The following GRIP2 variants were observed in gnomAD, a reference collection of about 807,000 sequenced individuals.
The protein encoded by GRIP2 is glutamate receptor-interacting protein 2.
In GRIP2, 58 loss-of-function variants were observed where a neutral mutation model predicts 108.3. That is an observed-to-expected ratio of 0.54 (90% CI 0.43 to 0.67). The LOEUF (loss-of-function observed/expected upper bound fraction) is 0.67, where lower values mean the gene tolerates loss of function less well. Among genes scored for constraint, GRIP2 ranks in the 30% least tolerant of loss-of-function variants. The pLI is 0.00. For missense variants in GRIP2, 1,278 were observed against 1,430.6 expected, an observed-to-expected ratio of 0.89 and a Z score of 1.72; for synonymous variants, 586 against 598.2, an observed-to-expected ratio of 0.98 and a Z score of 0.30.
At chr3:14,586,204 A>AC in the GRIP2 span, among the ~76,000 whole-genome samples, 1 of 151,908 alleles carries the variant, frequency 6.6e-6, no homozygotes, top group East Asian at 1.9e-4. Context: ...CTCCCTGACT[A>AC]CCCCATCAAC....
At chr3:14,534,436 T>C (rs544391711) in intron 1 of GRIP2, among the ~76,000 whole-genome samples, 7 of 152,344 alleles carry the variant, frequency 4.6e-5, no homozygotes, top group African/African-American at 1.7e-4. Flanking sequence ...CTGGTAATTA[T>C]ATGCTTAGAG....
chr3:14,512,805 G>A lies in GRIP2; in HGVS notation c.1692C>T (p.Arg564=), dbSNP rs200822846. 940 of 1,613,708 alleles carry A rather than the reference G, an allele frequency of 5.8e-4. 2 individuals carry two copies. The highest frequency in any genetic ancestry group is 7.3e-4 in the Admixed American group (44 of 60,030). Reference sequence around the variant, plus strand: ...TGATGGTGATGCCCAGCTCCACGCTGCGCTTCTTGGGCAGCTTCACGTGGA... The same window carrying A: ...TGATGGTGATGCCCAGCTCCACGCTACGCTTCTTGGGCAGCTTCACGTGGA... The part of the protein sequence containing the change: ...GTFHVKLPKK[R]SVELGITISS... The change falls in exon 14 of 24, where the codon CGC becomes CGT. Residue 564 remains arginine (R), a synonymous_variant. Transcript: ENST00000621039. The surrounding 1 kb of genome is among the most constrained non-coding windows in gnomAD (Gnocchi z 5.1).
chr3:14,496,588 A>G (rs762085188), intron 21 of GRIP2, 28 bp from the exon 22 acceptor site: 3 of 1,582,994 alleles, frequency 1.9e-6, no homozygotes, highest in Non-Finnish European at 1.7e-6. Context: ...TTTCTTTCAG[A>G]TGCTTGTTGG....
At position 14,554,062 on chromosome 3, in the gene GRIP2, G is replaced by C. The variant is rs60949694; in HGVS notation, c.55+1838C>G. On this transcript the variant is annotated intron_variant, in intron 1 of 23. Coordinates refer to the GRIP2 transcript ENST00000637182. ...CATGGGGAGAGGAAGGAAGTGGTTG[G>C]GTCACTAAGGGGAAGATGGAATTAA... 7.0e-3 allele frequency among the ~76,000 whole-genome samples: 1,062 copies of C among 152,218 alleles called. 17 individuals are homozygous for C. The highest frequency in any genetic ancestry group is 0.023 in the African/African-American group (971 of 41,542).
At chr3:14,581,324 G>A in the GRIP2 span, among the ~76,000 whole-genome samples, 2 of 152,298 alleles carry the variant, frequency 1.3e-5, no homozygotes, top group South Asian at 4.1e-4. Flanking sequence ...GCTCTGGGGA[G>A]ACCCCCTCCC....
intron 21 of GRIP2, among the ~76,000 whole-genome samples, chr3:14,501,035 C>A (rs1693751581): frequency 6.6e-6 from 1 of 152,108 alleles, no homozygotes; most frequent in Non-Finnish European, 1.5e-5. Context: ...AGTGATCTAT[C>A]CTAATAATTA....
the GRIP2 span, among the ~76,000 whole-genome samples, chr3:14,595,733 C>T: frequency 1.3e-5 from 2 of 152,246 alleles, no homozygotes; most frequent in African/African-American, 4.8e-5. Flanking sequence ...CCTGGCTCCG[C>T]AGGTTGCCCC....
chr3:14,578,718 G>GA, the GRIP2 span, among the ~76,000 whole-genome samples: 3,729 of 129,806 alleles, frequency 0.029, 161 homozygotes, highest in African/African-American at 0.09. Context: ...CTCCATCTCA[G>GA]AAAAAAAAAA....
At chr3:14,556,667 A>G (rs546976424), upstream of GRIP2, among the ~76,000 whole-genome samples, 21 of 152,350 alleles carry the variant, frequency 1.4e-4, no homozygotes, top group African/African-American at 5.1e-4. Context: ...GGGGATACCC[A>G]GAGAAGCTGC....
At chr3:14,525,970 C>T (rs1212121635) in intron 1 of GRIP2, 39 bp from the exon 2 acceptor site, 17 of 1,526,158 alleles carry the variant, frequency 1.1e-5, no homozygotes, top group South Asian at 2.4e-5. Context: ...GTTCCACTTT[C>T]GTTTCCATTC....
chr3:14,516,365 C>T (rs117128521), intron 11 of GRIP2, among the ~76,000 whole-genome samples: 1,773 of 152,254 alleles, frequency 0.012, 15 homozygotes, highest in East Asian at 0.028. Context: ...TCCTGGAGGC[C>T]TCTGCAGCTC....
At chr3:14,525,741 G>T in intron 2 of GRIP2, 110 bp downstream of exon 2, 2 of 1,323,488 alleles carry the variant, frequency 1.5e-6, no homozygotes, top group South Asian at 1.3e-5. Context: ...TAAGTGGCTG[G>T]TCTAAGGTCA....
In GRIP2 at chr3:14,505,278, G is replaced by A. The variant is rs1030461180; in HGVS notation, c.2573+337C>T. 1.3e-5 allele frequency among the ~76,000 whole-genome samples: 2 copies of A among 152,152 alleles called. No homozygotes were observed. The highest frequency in any genetic ancestry group is 2.9e-5 in the Non-Finnish European group (2 of 68,004). On this transcript the variant is annotated intron_variant, in intron 20 of 23. Transcript: ENST00000621039. This position sits in a 1 kb window ranked among gnomAD's most constrained non-coding sequence, Gnocchi z 4.2. ...GGTGGGCTGAGGGCCCTCGCAGGAG[G>A]CCATCAGGCCATCTGGGGTAAGTCA...
At chr3:14,577,692 A>G in the GRIP2 span, among the ~76,000 whole-genome samples, 12,246 of 152,298 alleles carry the variant, frequency 0.08, 1,609 homozygotes, top group African/African-American at 0.27. Flanking sequence ...ACTGACCAAC[A>G]GATAACACCC....
chr3:14,506,717 G>A (rs1017304460), intron 19 of GRIP2, 84 bp downstream of exon 19: 20 of 1,268,854 alleles, frequency 1.6e-5, no homozygotes, highest in Admixed American at 2.9e-5. Flanking sequence ...GGAGGAACAG[G>A]CACAAGAACA....
the GRIP2 span, among the ~76,000 whole-genome samples, chr3:14,579,287 G>A: frequency 2.0e-5 from 3 of 152,152 alleles, no homozygotes; most frequent in Admixed American, 6.5e-5. Context: ...TAGGTCTGGT[G>A]GGAATGTTCT....
At chr3:14,525,805 TG>T in intron 2 of GRIP2, 45 bp downstream of exon 2, 1 of 1,534,824 alleles carries the variant, frequency 6.5e-7, no homozygotes, top group Non-Finnish European at 8.8e-7. Flanking sequence ...TAGGGCTCTC[TG>T]TGCCTCCAGG....
intron 23 of GRIP2, 75 bp downstream of exon 23, chr3:14,494,768 G>C: frequency 6.7e-7 from 1 of 1,500,320 alleles, no homozygotes; most frequent in Non-Finnish European, 8.9e-7. Flanking sequence ...ACAGGCGATA[G>C]ATGCAGGCTC....
Position 14,513,669 on chromosome 3 carries a change from CACATCGAA to C in GRIP2, c.1627_1634del (p.Phe543GlyfsTer65), listed in dbSNP as rs748909021. On this transcript the variant is annotated frameshift_variant, in exon 13 of 24. Transcript: ENST00000621039. LOFTEE classifies it high-confidence loss of function. Reference sequence around the variant, plus strand: ...AAGCTTGGGCCACTCACTCACCCGCCACATCGAACTCCACCTCCAGCACGACCTTGTGG... The same window carrying C: ...AAGCTTGGGCCACTCACTCACCCGCCCTCCACCTCCAGCACGACCTTGTGG... 2.5e-6 allele frequency: 4 copies of C among 1,609,010 alleles called. No homozygotes were observed. In the African/African-American group the frequency reaches 5.3e-5, roughly 22 times the overall value.
Sources: gnomAD v4.1 joint callset for allele counts (sites outside exome capture counted in the v4.1 genomes callset) on GRCh38, gnomAD v4.1.1 for gene constraint, Gnocchi (gnomAD v3.1) non-coding constraint, MANE v1.5 for transcripts, NCBI Gene and HGNC (gene_info 2026-07-23, HGNC 2026-07-21) for gene names.